The following WDR49 variants were observed in gnomAD, a reference collection of about 807,000 sequenced individuals.
WDR49 encodes cilia- and flagella-associated protein 337.
In WDR49, 107 loss-of-function variants were observed where a neutral mutation model predicts 119.5. The ratio of observed to expected loss-of-function variants is 0.90; its 90% CI spans 0.77 to 1.05. The LOEUF (loss-of-function observed/expected upper bound fraction) is 1.05. Ranked by LOEUF, WDR49 falls within the 50% of genes least tolerant of loss-of-function variation. WDR49 has a pLI of 0.00. For synonymous variants in WDR49, 425 were observed against 418.8 expected (o/e 1.01, Z -0.18); for missense variants, 1,240 against 1,220.5 (o/e 1.02, Z -0.24).
intron 10 of WDR49, among the ~76,000 whole-genome samples, chr3:167,553,362 CATAG>C (rs893515035): frequency 7.2e-5 from 11 of 152,038 alleles, no homozygotes; most frequent in African/African-American, 2.7e-4. Context: ...CACCCACCAA[CATAG>C]ATAGAATAAT....
At chr3:167,650,829 C>T (rs1457101850) in intron 2 of WDR49, among the ~76,000 whole-genome samples, 1 of 152,078 alleles carries the variant, frequency 6.6e-6, no homozygotes, top group Non-Finnish European at 1.5e-5. Flanking sequence ...AAGTGCTTTC[C>T]AGATAGTACC....
chr3:167,533,176 C>A (rs1423207483), intron 11 of WDR49, among the ~76,000 whole-genome samples, 199 bp from the exon 12 acceptor site: 1 of 152,050 alleles, frequency 6.6e-6, no homozygotes, highest in Non-Finnish European at 1.5e-5. Context: ...CACAGTATAA[C>A]CTGAGCATGG....
At chr3:167,601,813 T>C (rs1163114353) in intron 7 of WDR49, among the ~76,000 whole-genome samples, 1 of 152,212 alleles carries the variant, frequency 6.6e-6, no homozygotes. Context: ...TTTCATTTTC[T>C]GTTTTTTCTA....
intron 10 of WDR49, among the ~76,000 whole-genome samples, chr3:167,549,537 G>A (rs1047217574): frequency 9.9e-5 from 15 of 151,976 alleles, no homozygotes; most frequent in African/African-American, 3.6e-4. Context: ...TTTTCCTGGG[G>A]TTATTTGATT....
At chr3:167,633,199 G>A (rs1717454098) in intron 2 of WDR49, among the ~76,000 whole-genome samples, 1 of 151,794 alleles carries the variant, frequency 6.6e-6, no homozygotes, top group Non-Finnish European at 1.5e-5. Context: ...ATAGTTCTTA[G>A]AGATTTCTTA....
chr3:167,549,997 T>A (rs527788931), intron 10 of WDR49, among the ~76,000 whole-genome samples: 62 of 152,172 alleles, frequency 4.1e-4, no homozygotes, highest in Non-Finnish European at 7.4e-4. Context: ...AAAGATCAGA[T>A]GGTTGTAGAT....
At chr3:167,505,071 G>A (rs1375351819) in intron 17 of WDR49, among the ~76,000 whole-genome samples, 1 of 152,116 alleles carries the variant, frequency 6.6e-6, no homozygotes, top group Non-Finnish European at 1.5e-5. Context: ...TGCAAGAGTG[G>A]TCCAATACAC....
chr3:167,585,343 C>G (rs938367464), intron 7 of WDR49, among the ~76,000 whole-genome samples: 1 of 150,558 alleles, frequency 6.6e-6, no homozygotes, highest in Non-Finnish European at 1.5e-5. Context: ...AGCATAACTT[C>G]TAGAAACTTA....
chr3:167,491,763 T>G (rs544963215), intron 18 of WDR49, among the ~76,000 whole-genome samples: 68 of 152,274 alleles, frequency 4.5e-4, no homozygotes, highest in Middle Eastern at 3.4e-3. Context: ...TTCCAGGATT[T>G]TGAATAAGGC....
intron 8 of WDR49, among the ~76,000 whole-genome samples, chr3:167,564,992 A>C (rs1317327037): frequency 6.6e-6 from 1 of 152,048 alleles, no homozygotes; most frequent in Non-Finnish European, 1.5e-5. Flanking sequence ...TGCTGTTTAT[A>C]ATTTTTTTTT....
rs371705274 is a variant in WDR49, at chr3:167,559,406, G to T, written c.1674+658C>A. ...GGGGGCAGAGAAGATTCACTGGTGG[G>T]CATGACTTCAGATATCAAGTATCTA... On this transcript the variant is annotated intron_variant, in intron 9 of 18. Coordinates refer to ENST00000682715, the MANE Select transcript of WDR49 (RefSeq NM_001366157.1). Among the ~76,000 whole-genome samples the T allele has an allele frequency of 2.2e-4, 34 of 152,214 alleles. No homozygotes were observed. In the South Asian group the frequency reaches 4.4e-3, roughly 20 times the overall value.
intron 7 of WDR49, among the ~76,000 whole-genome samples, chr3:167,577,031 C>T (rs1714285635): frequency 6.6e-6 from 1 of 151,944 alleles, no homozygotes; most frequent in Non-Finnish European, 1.5e-5. Context: ...TTCATATAAC[C>T]ACAGATATTA....
At chr3:167,574,778 A>G (rs1263789702) in intron 8 of WDR49, among the ~76,000 whole-genome samples, 1 of 152,194 alleles carries the variant, frequency 6.6e-6, no homozygotes, top group Non-Finnish European at 1.5e-5. Context: ...AACTTTGCAG[A>G]TCTCAATTAG....
At chr3:167,603,779 C>G (rs1176318109) in intron 6 of WDR49, among the ~76,000 whole-genome samples, 2 of 152,068 alleles carry the variant, frequency 1.3e-5, no homozygotes, top group African/African-American at 4.8e-5. Context: ...CAAAAGAACT[C>G]TCCTCTAGTA....
At chr3:167,594,229 A>G (rs1009614154) in intron 7 of WDR49, among the ~76,000 whole-genome samples, 4 of 152,198 alleles carry the variant, frequency 2.6e-5, no homozygotes, top group African/African-American at 9.7e-5. Flanking sequence ...AGAAGACAGG[A>G]GAATGTGGAA....
chr3:167,534,711 T>C (rs1321619635), intron 11 of WDR49, among the ~76,000 whole-genome samples: 1 of 152,170 alleles, frequency 6.6e-6, no homozygotes, highest in Non-Finnish European at 1.5e-5. Context: ...AATTTCATGG[T>C]GCAATCTGTC....
At chr3:167,654,152 T>C (rs1416970882), upstream of WDR49, among the ~76,000 whole-genome samples, 1 of 152,230 alleles carries the variant, frequency 6.6e-6, no homozygotes, top group Non-Finnish European at 1.5e-5. Context: ...CGACATCTTG[T>C]ATTATTTAAA....
At chr3:167,505,804 T>A (rs1055739423) in intron 16 of WDR49, among the ~76,000 whole-genome samples, 4 of 152,340 alleles carry the variant, frequency 2.6e-5, no homozygotes, top group African/African-American at 9.6e-5. Flanking sequence ...TTATTCAGTG[T>A]TAGGCGTGTA....
In WDR49 at chr3:167,568,451, G is replaced by A. The variant is rs529519749; in HGVS notation, c.1509+7467C>T. Reference sequence around the variant, plus strand: ...CACATAAGACCTGTATTTTCAATACGAGGTAAAAAGGTATTTCACAAAAAA... The same window carrying A: ...CACATAAGACCTGTATTTTCAATACAAGGTAAAAAGGTATTTCACAAAAAA... On this transcript the variant is annotated intron_variant, in intron 8 of 18. Coordinates refer to ENST00000682715, the MANE Select transcript of WDR49 (RefSeq NM_001366157.1). Among the ~76,000 whole-genome samples, 11 of 152,144 alleles carry A rather than the reference G, an allele frequency of 7.2e-5. No individual in the cohort carries two copies. The South Asian group carries it at 2.3e-3, about 32-fold the overall frequency.
Sources: gnomAD v4.1 joint callset for allele counts (sites outside exome capture counted in the v4.1 genomes callset) on GRCh38, gnomAD v4.1.1 for gene constraint, MANE v1.5 for transcripts, NCBI Gene and HGNC (gene_info 2026-07-23, HGNC 2026-07-21) for gene names.